MID1: variants seen among roughly 807,000 people sequenced by gnomAD.
The protein encoded by MID1 is E3 ubiquitin-protein ligase Midline-1.
Under a neutral mutation model 40.4 loss-of-function variants are expected in MID1, and 7 were observed. The ratio of observed to expected loss-of-function variants is 0.17; its 90% CI spans 0.10 to 0.33. MID1 has a LOEUF of 0.33. Among genes scored for constraint, MID1 ranks in the 10% least tolerant of loss-of-function variants. The pLI is 1.00. For missense variants in MID1, 367 were observed against 558.5 expected (o/e 0.66, Z 3.46); for synonymous variants, 229 against 221.2 (o/e 1.04, Z -0.31).
At chrX:10,791,649 C>A (rs776361272) in intron 1 of MID1, among the ~76,000 whole-genome samples, 2 of 111,338 alleles carry the variant, frequency 1.8e-5, no homozygotes, top group East Asian at 5.7e-4. Flanking sequence ...TAACGGGAGT[C>A]CAAACGGGAC....
chrX:10,688,531 T>C (rs2043113509), intron 1 of MID1, among the ~76,000 whole-genome samples: 1 of 112,247 alleles, frequency 8.9e-6, no homozygotes, highest in African/African-American at 3.2e-5. Context: ...AGACCATCCT[T>C]CCATATTTAG....
chrX:10,813,854 C>G (rs1602593563), intron 1 of MID1, among the ~76,000 whole-genome samples: 1 of 111,691 alleles, frequency 9.0e-6, no homozygotes, highest in African/African-American at 3.3e-5. Context: ...AATTATCCCT[C>G]TCATGCAGAG....
At chrX:10,502,462 TGAG>T (rs1183148879) in intron 3 of MID1, among the ~76,000 whole-genome samples, 1 of 111,620 alleles carries the variant, frequency 9.0e-6, no homozygotes, top group Non-Finnish European at 1.9e-5. Context: ...TTCTGGGTGT[TGAG>T]AAGAGGGTTG....
At chrX:10,658,661 C>T (rs1189291923) in intron 1 of MID1, among the ~76,000 whole-genome samples, 1 of 109,572 alleles carries the variant, frequency 9.1e-6, no homozygotes, top group Non-Finnish European at 1.9e-5. Context: ...TGCAATGAAA[C>T]TCACCAGCCC....
At chrX:10,798,260 A>T (rs946153005) in intron 1 of MID1, among the ~76,000 whole-genome samples, 3 of 112,061 alleles carry the variant, frequency 2.7e-5, no homozygotes, top group Non-Finnish European at 3.8e-5. Context: ...TTGCTATAGT[A>T]CTTGTCACAT....
At chrX:10,640,480 A>G (rs1203037247) in intron 1 of MID1, among the ~76,000 whole-genome samples, 3 of 111,496 alleles carry the variant, frequency 2.7e-5, no homozygotes, top group South Asian at 3.8e-4. Context: ...CTAAATATAT[A>G]TGCACCCAAT....
intron 4 of MID1, among the ~76,000 whole-genome samples, chrX:10,494,328 G>A (rs1398158953): frequency 2.7e-5 from 3 of 111,231 alleles, no homozygotes; most frequent in African/African-American, 6.5e-5. Context: ...CATTAGCCAC[G>A]GTTATCTCTG....
chrX:10,467,400 G>A (rs1383095052), intron 7 of MID1, among the ~76,000 whole-genome samples: 1 of 111,962 alleles, frequency 8.9e-6, no homozygotes, highest in Admixed American at 9.5e-5. Context: ...GGCCTTCTGC[G>A]ACTTGCCCCA....
intron 1 of MID1, among the ~76,000 whole-genome samples, chrX:10,831,447 G>A (rs1470267370): frequency 3.6e-5 from 4 of 111,155 alleles, no homozygotes; most frequent in African/African-American, 1.3e-4. Flanking sequence ...GCAGATCTAC[G>A]GAGGCTGCCG....
chrX:10,666,428 A>G (rs1215276696), intron 1 of MID1, among the ~76,000 whole-genome samples: 1 of 110,516 alleles, frequency 9.0e-6, no homozygotes, highest in East Asian at 2.8e-4. Flanking sequence ...AAAAAAGCAA[A>G]TAGAAGAAAT....
chrX:10,592,252 ATTTCCTGCT>A (rs1416914143), intron 1 of MID1, among the ~76,000 whole-genome samples: 33 of 95,666 alleles, frequency 3.4e-4, no homozygotes, highest in Non-Finnish European at 5.8e-4. Context: ...ATCAAACAAA[ATTTCCTGCT>A]TAGGGACTGC....
At chrX:10,538,412 C>A (rs1353234928) in intron 2 of MID1, among the ~76,000 whole-genome samples, 1 of 111,414 alleles carries the variant, frequency 9.0e-6, no homozygotes, top group Non-Finnish European at 1.9e-5. Context: ...TTCTAACAAT[C>A]TTCCATGAAT....
At chrX:10,818,134 G>A (rs1338358073) in intron 1 of MID1, among the ~76,000 whole-genome samples, 1 of 112,146 alleles carries the variant, frequency 8.9e-6, no homozygotes, top group Non-Finnish European at 1.9e-5. Context: ...TGATCCAAGA[G>A]TACATACAAA....
intron 9 of MID1, among the ~76,000 whole-genome samples, chrX:10,452,597 T>C (rs1928410498): frequency 8.9e-6 from 1 of 112,385 alleles, no homozygotes; most frequent in African/African-American, 3.2e-5. Context: ...TGTCATTAGC[T>C]GTTGCAAGTC....
At chrX:10,776,559 TGA>T (rs1292260161) in intron 1 of MID1, among the ~76,000 whole-genome samples, 1 of 111,389 alleles carries the variant, frequency 9.0e-6, no homozygotes, top group Non-Finnish European at 1.9e-5. Flanking sequence ...TTGTCCAGAA[TGA>T]GAGATAAGAA....
intron 2 of MID1, among the ~76,000 whole-genome samples, chrX:10,548,711 T>C (rs1933794337): frequency 9.0e-6 from 1 of 111,409 alleles, no homozygotes; most frequent in Admixed American, 9.5e-5. Flanking sequence ...CAGTGAAAAA[T>C]ACCCAAAGTT....
At chrX:10,483,760 C>T (rs904371193) in intron 4 of MID1, among the ~76,000 whole-genome samples, 1 of 112,076 alleles carries the variant, frequency 8.9e-6, no homozygotes, top group Non-Finnish European at 1.9e-5. Context: ...CATTACCATC[C>T]CTGTATAACT....
At position 10,495,697 on chromosome X, in the gene MID1, G is replaced by A. The variant is rs370836598; in HGVS notation, c.757-6C>T. 4.3e-5 allele frequency: 49 copies of A among 1,151,931 alleles called. No individual in the cohort carries two copies. In the African/African-American group the frequency reaches 7.5e-4, roughly 18 times the overall value. 94.9% of individuals were successfully genotyped at this position (1,151,931 alleles called of 1,213,427 possible). A position where few individuals can be genotyped will look rare whatever the true frequency, so the allele number is the denominator to read the frequency against. On this transcript the variant is annotated splice_polypyrimidine_tract_variant and splice_region_variant and intron_variant, in intron 3 of 9. Transcript: ENST00000317552. ...TCTTGACGTGATGCATTGACCTACA[G>A]GATAAGTACAATGGTAAGTGTTAAT...
At position 10,495,457 on chromosome X, in the gene MID1, G is replaced by T. The variant is rs760060507; in HGVS notation, c.864+127C>A. On this transcript the variant is annotated intron_variant, in intron 4 of 9. Coordinates refer to ENST00000317552, the MANE Select transcript of MID1 (RefSeq NM_000381.4). ...AAAGGCCTTTTAACTAAGTCTTAAA[G>T]ACTTAAGAGGGAATTATAGAATGTA... is the stretch of plus-strand genomic sequence containing the variant. The T allele has an allele frequency of 2.7e-5, 15 of 557,983 alleles. No homozygotes were observed. In the African/African-American group the frequency reaches 3.4e-4, roughly 13 times the overall value. The allele number at this position is 557,983 out of a possible 1,213,427, so 46.0% of individuals were successfully genotyped here.
Sources: gnomAD v4.1 joint callset for allele counts (sites outside exome capture counted in the v4.1 genomes callset) on GRCh38, gnomAD v4.1.1 for gene constraint, MANE v1.5 for transcripts, NCBI Gene and HGNC (gene_info 2026-07-23, HGNC 2026-07-21) for gene names.